Variants in GDF5 observed in about 807,000 individuals in gnomAD.
GDF5 encodes growth/differentiation factor 5.
Under a neutral mutation model 34.6 loss-of-function variants are expected in GDF5, and 17 were observed. The ratio of observed to expected loss-of-function variants is 0.49; its 90% CI spans 0.34 to 0.74. The LOEUF (loss-of-function observed/expected upper bound fraction) is 0.74. Among genes scored for constraint, GDF5 ranks in the 30% least tolerant of loss-of-function variants. The pLI is 0.01. For missense variants in GDF5, 616 were observed against 661.2 expected (o/e 0.93, Z 0.75); for synonymous variants, 332 against 290.7 (o/e 1.14, Z -1.44).
Position 35,435,210 on chromosome 20 carries a change from G to A in GDF5, c.632-427C>T. 1.1e-5 allele frequency: 4 copies of A among 370,892 alleles called. No homozygotes were observed. The South Asian group carries it at 1.4e-4, about 13-fold the overall frequency. The allele number at this position is 370,892 out of a possible 1,614,324, so 23.0% of individuals were successfully genotyped here. Reference sequence around the variant, plus strand: ...TCACACCTGCAATCCCAGCACTTTGGGAGGCTGAGGTGGGTGGATTGCTTG... The same window carrying A: ...TCACACCTGCAATCCCAGCACTTTGAGAGGCTGAGGTGGGTGGATTGCTTG... On this transcript the variant is annotated intron_variant, in intron 1 of 1. Transcript: ENST00000374369.
rs185362910 is a variant in GDF5 at position 35,449,036 on chromosome 20, G to A, written c.-398+5604C>T. On this transcript the variant is annotated intron_variant, in intron 1 of 3. Transcript: ENST00000374372. ...AACCAGATGGTGGCATCAGCAAGAGGAGTGTCCGGCATTCCTAACACATCC... is the reference window on the plus strand; with the variant it reads ...AACCAGATGGTGGCATCAGCAAGAGAAGTGTCCGGCATTCCTAACACATCC... Among the ~76,000 whole-genome samples the A allele has an allele frequency of 7.4e-4, 112 of 152,294 alleles. 1 individual carries two copies. Among genetic ancestry groups the A allele is most frequent in the Non-Finnish European group, 1.5e-3 (101 of 68,028 alleles).
intron 1 of GDF5, among the ~76,000 whole-genome samples, chr20:35,448,743 CA>C (rs2062521957): frequency 6.6e-6 from 1 of 152,112 alleles, no homozygotes; most frequent in African/African-American, 2.4e-5. Flanking sequence ...CAGGCCTGAC[CA>C]AGGGCCCATT....
chr20:35,444,422 G>T lies in GDF5; in HGVS notation c.-397-3035C>A, dbSNP rs547367676. Reference sequence around the variant, plus strand: ...AGCATTCCAGGTGGGGGGAACAGCAGTTGCAAAGGCCCTGAGGCCTTTGCA... The same window carrying T: ...AGCATTCCAGGTGGGGGGAACAGCATTTGCAAAGGCCCTGAGGCCTTTGCA... On this transcript the variant is annotated intron_variant, in intron 1 of 3. Coordinates refer to the GDF5 transcript ENST00000374372. Among the ~76,000 whole-genome samples, 11 of 152,278 alleles carry T rather than the reference G, an allele frequency of 7.2e-5. No homozygotes were observed. The South Asian group carries it at 2.3e-3, about 32-fold the overall frequency.
upstream of GDF5, among the ~76,000 whole-genome samples, chr20:35,440,871 C>T (rs1037724361): frequency 3.9e-5 from 6 of 152,220 alleles, no homozygotes; most frequent in African/African-American, 1.4e-4. Flanking sequence ...CCCACAGCAG[C>T]TCTCAGTACG....
chr20:35,445,435 C>T (rs889986975), intron 1 of GDF5, among the ~76,000 whole-genome samples: 2 of 151,578 alleles, frequency 1.3e-5, no homozygotes, highest in South Asian at 2.1e-4. Context: ...GAGGCAGAGG[C>T]GGGGCAGATA....
At chr20:35,453,093 CA>C (rs2062539858) in intron 1 of GDF5, among the ~76,000 whole-genome samples, 1 of 151,764 alleles carries the variant, frequency 6.6e-6, no homozygotes, top group African/African-American at 2.4e-5. Context: ...ACTAAAAATA[CA>C]AAAAAATTAG....
chr20:35,442,266 C>T (rs1270476599), upstream of GDF5, among the ~76,000 whole-genome samples: 1 of 152,080 alleles, frequency 6.6e-6, no homozygotes, highest in Non-Finnish European at 1.5e-5. Flanking sequence ...CCTGCTTCAG[C>T]CTCCTGAGTA....
Position 35,434,586 on chromosome 20 carries a change from A to G in GDF5, c.829T>C (p.Leu277=), listed in dbSNP as rs1568732023. ...SCPSGRQPAA[L]LDVRSVPGLD... The stretch of plus-strand genomic sequence containing the variant: ...CCTGGCACGGAGCGCACATCCAGCA[A>G]GGCGGCCGGCTGCCGGCCGCTGGGG... Residue 277 remains leucine (L), a synonymous_variant, in exon 2 of 2, where the codon TTG becomes CTG. Coordinates refer to ENST00000374369, the MANE Select transcript of GDF5 (RefSeq NM_000557.5). 1.3e-6 allele frequency: 2 copies of G among 1,588,214 alleles called. No homozygotes were observed. The highest frequency in any genetic ancestry group is 1.4e-5 in the African/African-American group (1 of 74,044).
upstream of GDF5, among the ~76,000 whole-genome samples, chr20:35,443,186 A>G (rs1347351381): frequency 6.6e-6 from 1 of 152,150 alleles, no homozygotes; most frequent in East Asian, 1.9e-4. Flanking sequence ...CCTGGCTCTC[A>G]CTATAAAGGT....
At chr20:35,441,808 G>C (rs147935358), upstream of GDF5, among the ~76,000 whole-genome samples, 164 of 152,098 alleles carry the variant, frequency 1.1e-3, no homozygotes, top group African/African-American at 3.9e-3. Context: ...TCTGGGTTTT[G>C]TACTCCATTG....
intron 1 of GDF5, chr20:35,435,189 A>G: frequency 2.3e-6 from 1 of 434,124 alleles, no homozygotes; most frequent in Non-Finnish European, 4.3e-6. Context: ...AGTGGCTCAC[A>G]CCTGCAATCC....
Position 35,447,444 on chromosome 20 carries a change from A to T in GDF5, c.-397-6057T>A, listed in dbSNP as rs547901301. Among the ~76,000 whole-genome samples, 8 of 152,330 alleles carry T rather than the reference A, an allele frequency of 5.3e-5. No homozygotes were observed. In the East Asian group the frequency reaches 1.2e-3, roughly 22 times the overall value. ...TTGAGTGTCTCTGGGCCTTCTGTCC[A>T]TAAGTCAATCAAATTCCTTCCCTGG... On this transcript the variant is annotated intron_variant, in intron 1 of 3. Coordinates refer to the GDF5 transcript ENST00000374372.
At chr20:35,439,395 T>C (rs2062489899), upstream of GDF5, among the ~76,000 whole-genome samples, 1 of 152,022 alleles carries the variant, frequency 6.6e-6, no homozygotes, top group Admixed American at 6.6e-5. Flanking sequence ...ACCTGGCTGA[T>C]TTTTTACGTT....
chr20:35,445,741 G>A (rs1334210655), intron 1 of GDF5, among the ~76,000 whole-genome samples: 4 of 151,688 alleles, frequency 2.6e-5, no homozygotes, highest in Non-Finnish European at 4.4e-5. Context: ...AGGCTGAGGC[G>A]GGCAGATCAC....
intron 1 of GDF5, among the ~76,000 whole-genome samples, chr20:35,445,961 C>T (rs1018466840): frequency 1.3e-5 from 2 of 150,838 alleles, no homozygotes; most frequent in Non-Finnish European, 2.9e-5. Context: ...AAGAGCAAAA[C>T]TCTGTCTCAA....
At chr20:35,445,531 GC>G (rs1358075235) in intron 1 of GDF5, among the ~76,000 whole-genome samples, 1 of 152,064 alleles carries the variant, frequency 6.6e-6, no homozygotes, top group Admixed American at 6.6e-5. Context: ...GGGCATGGTG[GC>G]GGGCACCTGT....
chr20:35,442,658 C>T (rs149217815), upstream of GDF5, among the ~76,000 whole-genome samples: 755 of 150,316 alleles, frequency 5.0e-3, 3 homozygotes, highest in African/African-American at 8.5e-3. Flanking sequence ...GATTCTCCTG[C>T]CTCAGCCTCC....
chr20:35,440,952 A>G (rs1461117388), upstream of GDF5, among the ~76,000 whole-genome samples: 2 of 152,188 alleles, frequency 1.3e-5, no homozygotes, highest in East Asian at 1.9e-4. Context: ...TTTGAGGTGT[A>G]GTTATTTGTG....
intron 1 of GDF5, among the ~76,000 whole-genome samples, chr20:35,449,204 A>G (rs1011523475): frequency 6.6e-6 from 1 of 152,102 alleles, no homozygotes; most frequent in Non-Finnish European, 1.5e-5. Flanking sequence ...CCTAAGCTCA[A>G]GAGGTTCTTC....
Sources: allele counts gnomAD v4.1 joint callset (sites outside exome capture counted in the v4.1 genomes callset), GRCh38; gene constraint gnomAD v4.1.1; transcripts MANE v1.5; gene names NCBI Gene and HGNC (gene_info 2026-07-23, HGNC 2026-07-21).